CERT1: variants seen among roughly 807,000 people sequenced by gnomAD.
CERT1 encodes ceramide transporter 1.
A neutral mutation model predicts 87.9 loss-of-function variants in CERT1; 31 were observed. That is an observed-to-expected ratio of 0.35 (90% CI 0.27 to 0.48). The LOEUF is 0.48. Among genes scored for constraint, CERT1 ranks in the 20% least tolerant of loss-of-function variants. CERT1 has a pLI of 0.99. For missense variants in CERT1, 487 were observed against 758.0 expected, an observed-to-expected ratio of 0.64 and a Z score of 4.20; for synonymous variants, 289 against 250.9, an observed-to-expected ratio of 1.15 and a Z score of -1.44.
intron 11 of CERT1, among the ~76,000 whole-genome samples, chr5:75,392,270 T>C (rs1184322762): frequency 6.6e-6 from 1 of 152,238 alleles, no homozygotes; most frequent in African/African-American, 2.4e-5. Flanking sequence ...TTTTCAGCCA[T>C]GCTGTATAAA....
chr5:75,444,178 C>G (rs1393493744), intron 3 of CERT1, among the ~76,000 whole-genome samples: 1 of 152,052 alleles, frequency 6.6e-6, no homozygotes, highest in Non-Finnish European at 1.5e-5. Flanking sequence ...GCCTCAGCCT[C>G]CCGAGTAGCT....
At chr5:75,392,125 G>C (rs1226033872) in intron 11 of CERT1, among the ~76,000 whole-genome samples, 1 of 152,184 alleles carries the variant, frequency 6.6e-6, no homozygotes, top group African/African-American at 2.4e-5. Flanking sequence ...AAAGAAAACA[G>C]ATTCCACAAA....
chr5:75,403,506 A>T (rs933488441), intron 8 of CERT1, among the ~76,000 whole-genome samples: 1 of 152,270 alleles, frequency 6.6e-6, no homozygotes, highest in African/African-American at 2.4e-5. Context: ...TCATTCAGCT[A>T]TATATTATCT....
At chr5:75,461,931 CAT>C (rs1191775488) in intron 2 of CERT1, among the ~76,000 whole-genome samples, 3 of 152,096 alleles carry the variant, frequency 2.0e-5, no homozygotes, top group Admixed American at 6.5e-5. Flanking sequence ...ATTACACACA[CAT>C]ATGTGCCCCA....
At position 75,410,096 on chromosome 5, in the gene CERT1, C is replaced by T. The variant is rs941292295; in HGVS notation, c.930+915G>A. 3.3e-5 allele frequency among the ~76,000 whole-genome samples: 5 copies of T among 152,250 alleles called. No individual in the cohort carries two copies. The East Asian group carries it at 7.7e-4, about 24-fold the overall frequency. ...CTGGGATTACAGATGTGAGCCAGTGCGCTAGCCTCAACATTGTTTAATGGC... is the reference window on the plus strand; with the variant it reads ...CTGGGATTACAGATGTGAGCCAGTGTGCTAGCCTCAACATTGTTTAATGGC... On this transcript the variant is annotated intron_variant, in intron 8 of 16. Transcript: ENST00000643780.
chr5:75,399,312 G>A lies in CERT1; in HGVS notation c.1186C>T (p.Gln396Ter). 1 of 1,606,928 alleles carries A rather than the reference G, an allele frequency of 6.2e-7. No individual in the cohort carries two copies. The highest frequency in any genetic ancestry group is 8.5e-7 in the Non-Finnish European group (1 of 1,173,538). Reference sequence around the variant, plus strand: ...CACTCTATACATTCATACAGTACCTGGGAGCTGAATCTGTGAACATCATCA... The same window carrying A: ...CACTCTATACATTCATACAGTACCTAGGAGCTGAATCTGTGAACATCATCA... ...ASDDVHRFSS[Q>*]VEEMVQNHMT... The change falls in exon 11 of 17, where the codon CAG (glutamine) becomes TAG (stop). Residue 396 changes from glutamine (Q) to a stop codon, truncating the protein, a stop_gained and splice_region_variant. Coordinates refer to ENST00000643780, the MANE Select transcript of CERT1 (RefSeq NM_001379029.1). LOFTEE classifies it high-confidence loss of function.
In CERT1 at chr5:75,409,049, T is replaced by G. The variant is rs545092954; in HGVS notation, c.930+1962A>C. Among the ~76,000 whole-genome samples, 13 of 152,204 alleles carry G rather than the reference T, an allele frequency of 8.5e-5. No individual in the cohort carries two copies. The East Asian group carries it at 2.5e-3, about 29-fold the overall frequency. ...ATATTGTTAAATTTAAAACATGGGC[T>G]TTATTGGCTTATTTGAATTTTTGTA... On this transcript the variant is annotated intron_variant, in intron 8 of 16. Transcript: ENST00000643780.
intron 3 of CERT1, among the ~76,000 whole-genome samples, chr5:75,440,194 T>A (rs1764262407): frequency 6.6e-6 from 1 of 151,816 alleles, no homozygotes; most frequent in African/African-American, 2.4e-5. Context: ...AAAACTAACT[T>A]TATAAGAAAA....
intron 3 of CERT1, among the ~76,000 whole-genome samples, chr5:75,455,510 C>T (rs891418802): frequency 6.6e-6 from 1 of 152,096 alleles, no homozygotes; most frequent in South Asian, 2.1e-4. Context: ...AAATCATGGT[C>T]CAAAATCACA....
chr5:75,397,354 C>T (rs930656276), intron 11 of CERT1, among the ~76,000 whole-genome samples: 3 of 152,176 alleles, frequency 2.0e-5, no homozygotes, highest in Admixed American at 6.5e-5. Context: ...AAGTTACATA[C>T]ATGAGTTTTA....
intron 3 of CERT1, among the ~76,000 whole-genome samples, chr5:75,441,283 T>A (rs1259786335): frequency 6.6e-6 from 1 of 152,200 alleles, no homozygotes; most frequent in Non-Finnish European, 1.5e-5. Context: ...CAATATGCTC[T>A]ATCATATAGC....
chr5:75,410,518 G>A (rs1348991176), intron 8 of CERT1, among the ~76,000 whole-genome samples: 1 of 151,568 alleles, frequency 6.6e-6, no homozygotes, highest in East Asian at 1.9e-4. Flanking sequence ...GCTGAGGCAG[G>A]AGAATGGCGT....
At chr5:75,497,142 C>T (rs975382975) in intron 2 of CERT1, among the ~76,000 whole-genome samples, 1 of 152,112 alleles carries the variant, frequency 6.6e-6, no homozygotes, top group Admixed American at 6.6e-5. Flanking sequence ...AATTTCTGAA[C>T]AGAGTTGCAT....
intron 1 of CERT1, among the ~76,000 whole-genome samples, chr5:75,510,455 A>G (rs1239153618): frequency 6.6e-6 from 1 of 152,164 alleles, no homozygotes. Flanking sequence ...TTTTATTATT[A>G]AGTAATGCTC....
intron 3 of CERT1, among the ~76,000 whole-genome samples, chr5:75,448,011 G>A (rs1764627441): frequency 6.6e-6 from 1 of 152,158 alleles, no homozygotes; most frequent in Admixed American, 6.5e-5. Flanking sequence ...TAACATTTAT[G>A]TAATACAACA....
chr5:75,391,117 A>T (rs1762013694), intron 11 of CERT1, among the ~76,000 whole-genome samples: 1 of 152,130 alleles, frequency 6.6e-6, no homozygotes, highest in Non-Finnish European at 1.5e-5. Flanking sequence ...GGAGTGCACC[A>T]CCACATCCAG....
In CERT1 at chr5:75,478,909, T is replaced by TAAAAAAAAA. The variant is rs11438163; in HGVS notation, c.232-19737_232-19729dup. On this transcript the variant is annotated intron_variant, in intron 2 of 16. Coordinates refer to ENST00000643780, the MANE Select transcript of CERT1 (RefSeq NM_001379029.1). ...AAATCTTGAGCTTGAAAGTAAGTAC[T>TAAAAAAAAA]AAAAAAAAAAAAAAAAAAAAAAAAA... is the stretch of plus-strand genomic sequence containing the variant. Among the ~76,000 whole-genome samples the TAAAAAAAAA allele has an allele frequency of 1.4e-4, 3 of 21,766 alleles. 1 individual carries two copies. The highest frequency in any genetic ancestry group is 2.1e-4 in the African/African-American group (1 of 4,858). The allele number at this position is 21,766 out of a possible 152,430, so 14.3% of individuals were successfully genotyped here.
chr5:75,400,140 A>G (rs1312535647), intron 10 of CERT1, 65 bp downstream of exon 10: 8 of 1,205,600 alleles, frequency 6.6e-6, no homozygotes, highest in South Asian at 5.2e-5. Flanking sequence ...CAAATAAAAG[A>G]TATTTCCACC....
chr5:75,402,212 G>A (rs560811844), intron 9 of CERT1: 3 of 152,028 alleles, frequency 2.0e-5, no homozygotes, highest in Non-Finnish European at 2.9e-5. Flanking sequence ...AAGTAGTGAA[G>A]GTAATAAAGG....
Sources: gnomAD v4.1 joint callset for allele counts (sites outside exome capture counted in the v4.1 genomes callset) on GRCh38, gnomAD v4.1.1 for gene constraint, MANE v1.5 for transcripts, NCBI Gene and HGNC (gene_info 2026-07-23, HGNC 2026-07-21) for gene names.